The following FAXC variants were observed in gnomAD, a reference collection of about 807,000 sequenced individuals.
The protein encoded by FAXC is failed axon connections homolog, metaxin like GST domain containing.
A neutral mutation model predicts 41.9 loss-of-function variants in FAXC; 10 were observed. That is an observed-to-expected ratio of 0.24 (90% confidence interval 0.15 to 0.41). The LOEUF (loss-of-function observed/expected upper bound fraction) is 0.41, where lower values mean the gene tolerates loss of function less well. FAXC is among the 10% of genes least tolerant of loss of function. The pLI, the probability that FAXC is intolerant of heterozygous loss-of-function variation, is 1.00. For synonymous variants in FAXC, 183 were observed against 183.8 expected (o/e 1.00, Z 0.03); for missense variants, 399 against 510.9 (o/e 0.78, Z 2.11).
chr6:99,306,887 T>C (rs1278994985), intron 4 of FAXC, among the ~76,000 whole-genome samples: 1 of 152,192 alleles, frequency 6.6e-6, no homozygotes, highest in Non-Finnish European at 1.5e-5. Context: ...GTGTTAGTAG[T>C]TGCTACATCC....
chr6:99,304,421 G>A (rs1771833962), intron 4 of FAXC, among the ~76,000 whole-genome samples: 1 of 152,024 alleles, frequency 6.6e-6, no homozygotes. Context: ...CCCCATTGAA[G>A]AACTTGAGTG....
chr6:99,350,027 C>G, upstream of FAXC: 1 of 152,288 alleles, frequency 6.6e-6, no homozygotes, highest in East Asian at 1.9e-4. Flanking sequence ...TGGGGCGGCG[C>G]GGAGCTGCGG....
intron 5 of FAXC, among the ~76,000 whole-genome samples, chr6:99,286,011 G>A (rs768852731): frequency 3.3e-5 from 5 of 152,146 alleles, no homozygotes; most frequent in South Asian, 2.1e-4. Context: ...CCAATGTCTC[G>A]CAGCAGCACC....
At chr6:99,327,312 G>A (rs966756991) in intron 3 of FAXC, among the ~76,000 whole-genome samples, 1 of 152,092 alleles carries the variant, frequency 6.6e-6, no homozygotes, top group Admixed American at 6.5e-5. Context: ...CATTGTATAT[G>A]TTTCCATGTT....
At chr6:99,293,132 C>T (rs1165464105) in intron 4 of FAXC, among the ~76,000 whole-genome samples, 2 of 152,174 alleles carry the variant, frequency 1.3e-5, no homozygotes, top group Non-Finnish European at 2.9e-5. Context: ...AATCATGTCA[C>T]TCCCTTTCAA....
At chr6:99,341,072 G>A (rs996191156) in intron 2 of FAXC, among the ~76,000 whole-genome samples, 1 of 152,126 alleles carries the variant, frequency 6.6e-6, no homozygotes, top group Admixed American at 6.5e-5. Context: ...TAATGTGTTT[G>A]TATTATAACA....
rs966784056 is a variant in FAXC at position 99,271,370 on chromosome 6, A to G, written c.*9794T>C. The G allele has an allele frequency of 3.3e-5, 5 of 152,082 alleles. No individual in the cohort carries two copies. The highest frequency in any genetic ancestry group is 1.2e-4 in the African/African-American group (5 of 41,400). The allele number at this position is 152,082 out of a possible 1,614,324, so 9.4% of individuals were successfully genotyped here. On this transcript the variant is annotated 3_prime_UTR_variant, in exon 6 of 6. Coordinates refer to ENST00000389677, the MANE Select transcript of FAXC (RefSeq NM_032511.4). Reference sequence around the variant, plus strand: ...AGTAGATGTAGATCTATTTCAAAGTATTTCTGACTAGGGTCTATGTTAATA... The same window carrying G: ...AGTAGATGTAGATCTATTTCAAAGTGTTTCTGACTAGGGTCTATGTTAATA...
intron 4 of FAXC, among the ~76,000 whole-genome samples, chr6:99,322,677 T>C (rs1772635377): frequency 6.6e-6 from 1 of 152,168 alleles, no homozygotes; most frequent in Non-Finnish European, 1.5e-5. Flanking sequence ...ACATAGAAGG[T>C]CCTGAATTCA....
intron 2 of FAXC, among the ~76,000 whole-genome samples, chr6:99,336,994 T>C (rs1773240832): frequency 6.6e-6 from 1 of 152,220 alleles, no homozygotes; most frequent in African/African-American, 2.4e-5. Flanking sequence ...GTGTGGATTA[T>C]GACACACTGA....
rs1772670646 is a variant in FAXC at position 99,323,579 on chromosome 6, G to T, written c.688C>A (p.Leu230Met). The change falls in exon 4 of 6, where the codon CTG becomes ATG. Residue 230 changes from leucine to methionine, a missense_variant. By Grantham distance (15) the Leu-to-Met change is conservative. Transcript: ENST00000389677. Reference protein sequence around the residue: ...LSGGGPFSNLLRWVVCHITKG... With the variant: ...LSGGGPFSNLMRWVVCHITKG... ...GTTATGTGGCACACAACCCACCTCA[G>T]CAGGTTGCTGAAGGGACCACCACCA... 6.2e-7 allele frequency: 1 copy of T among 1,614,070 alleles called. No individual in the cohort carries two copies. Among genetic ancestry groups the T allele is most frequent in the Admixed American group, 1.7e-5 (1 of 60,002 alleles).
In FAXC at chr6:99,333,208, A is replaced by G. The variant is rs571965805; in HGVS notation, c.599+143T>C. ...AGGTAACCAGAAACTTCACAGTCAT[A>G]ATAACTTTGATGACTGAGCCACTCA... On this transcript the variant is annotated intron_variant, in intron 3 of 5. Transcript: ENST00000389677. 1.3e-5 allele frequency: 9 copies of G among 670,222 alleles called. No homozygotes were observed. The East Asian group carries it at 2.4e-4, about 18-fold the overall frequency. The allele number at this position is 670,222 out of a possible 1,614,324, so 41.5% of individuals were successfully genotyped here.
chr6:99,291,433 A>G (rs1771236751), intron 5 of FAXC, among the ~76,000 whole-genome samples: 1 of 152,226 alleles, frequency 6.6e-6, no homozygotes. Context: ...AGCAGATGGA[A>G]GAAAAGCGCT....
Position 99,281,171 on chromosome 6 carries a change from C to G in FAXC, c.1223G>C (p.Cys408Ser). Residue 408 changes from cysteine to serine, a missense_variant, in exon 6 of 6, where the codon TGC (cysteine) becomes TCC (serine). Around this residue, in one of 3 missense-constraint regions of FAXC, gnomAD observed 92 missense variants for 94.9 expected, o/e 0.97. Coordinates refer to ENST00000389677, the MANE Select transcript of FAXC (RefSeq NM_032511.4). ...DMDDYTDHEQ[C>S]K Reference sequence around the variant, plus strand: ...GGTCAGTGAGGCTGGACGTCACTTGCACTGTTCGTGGTCTGTATAGTCATC... The same window carrying G: ...GGTCAGTGAGGCTGGACGTCACTTGGACTGTTCGTGGTCTGTATAGTCATC... 3 of 1,388,160 alleles carry G rather than the reference C, an allele frequency of 2.2e-6. No homozygotes were observed. In the South Asian group the frequency reaches 3.5e-5, roughly 16 times the overall value. 86.0% of individuals were successfully genotyped at this position (1,388,160 alleles called of 1,614,324 possible).
chr6:99,333,253 G>A, intron 3 of FAXC, 98 bp downstream of exon 3: 2 of 1,042,574 alleles, frequency 1.9e-6, no homozygotes, highest in Non-Finnish European at 2.8e-6. Flanking sequence ...AAACTGTTAA[G>A]GTAGAAAACT....
At chr6:99,319,320 TC>T (rs1440671360) in intron 4 of FAXC, among the ~76,000 whole-genome samples, 1 of 142,200 alleles carries the variant, frequency 7.0e-6, no homozygotes, top group Admixed American at 7.8e-5. Context: ...AATGGCGTGA[TC>T]CCGCGAAGCG....
intron 5 of FAXC, among the ~76,000 whole-genome samples, chr6:99,290,101 C>CCACA (rs34319104): frequency 0.17 from 24,325 of 142,244 alleles, 2,076 homozygotes; most frequent in South Asian, 0.26. Context: ...CCCTACCCCA[C>CCACA]CACACACACA....
chr6:99,344,520 G>A (rs1194120640), intron 1 of FAXC, among the ~76,000 whole-genome samples: 1 of 151,510 alleles, frequency 6.6e-6, no homozygotes, highest in Non-Finnish European at 1.5e-5. Context: ...AAACTCTCTT[G>A]AAAAGTTTAC....
At chr6:99,298,286 G>C (rs1277322291) in intron 4 of FAXC, among the ~76,000 whole-genome samples, 1 of 150,958 alleles carries the variant, frequency 6.6e-6, no homozygotes, top group Non-Finnish European at 1.5e-5. Context: ...CCCCAGGATG[G>C]TTTTGAACTC....
chr6:99,323,397 A>C, intron 4 of FAXC, 47 bp downstream of exon 4: 1 of 1,523,830 alleles, frequency 6.6e-7, no homozygotes, highest in Middle Eastern at 2.0e-4. Flanking sequence ...CTAATCATGC[A>C]AAAGGAAAGA....
Sources: allele counts gnomAD v4.1 joint callset (sites outside exome capture counted in the v4.1 genomes callset), GRCh38; gene constraint gnomAD v4.1.1; regional missense constraint gnomAD v4.1.1; transcripts MANE v1.5; gene names NCBI Gene and HGNC (gene_info 2026-07-23, HGNC 2026-07-21).